The following PIK3C2A variants were observed in gnomAD, a reference collection of about 807,000 sequenced individuals.
The protein encoded by PIK3C2A is phosphatidylinositol-4-phosphate 3-kinase catalytic subunit type 2 alpha, also known as phosphatidylinositol 4-phosphate 3-kinase C2 domain-containing subunit alpha.
PIK3C2A carries 97 observed loss-of-function variants against 204.5 expected under a neutral mutation model. The observed-to-expected ratio is 0.47, with a 90% CI of 0.40 to 0.56. PIK3C2A has a LOEUF of 0.56. Ranked by LOEUF, PIK3C2A falls within the 20% of genes least tolerant of loss-of-function variation. PIK3C2A has a pLI of 0.00. For synonymous variants in PIK3C2A, 653 were observed against 664.4 expected, an observed-to-expected ratio of 0.98 and a Z score of 0.26; for missense variants, 1,735 against 1,969.2, an observed-to-expected ratio of 0.88 and a Z score of 2.25.
intron 1 of PIK3C2A, among the ~76,000 whole-genome samples, chr11:17,178,855 G>A (rs957590126): frequency 2.0e-5 from 3 of 149,828 alleles, no homozygotes; most frequent in Non-Finnish European, 3.0e-5. Flanking sequence ...TCAGCCTCCC[G>A]AGTAGCTGGG....
intron 1 of PIK3C2A, among the ~76,000 whole-genome samples, chr11:17,183,280 T>C (rs1851628802): frequency 6.6e-6 from 1 of 152,246 alleles, no homozygotes; most frequent in Non-Finnish European, 1.5e-5. Flanking sequence ...AAATTCCAGA[T>C]ATCAACAATT....
intron 2 of PIK3C2A, among the ~76,000 whole-genome samples, chr11:17,157,119 C>G (rs1159248790): frequency 6.6e-6 from 1 of 152,086 alleles, no homozygotes; most frequent in Non-Finnish European, 1.5e-5. Context: ...AGCCTAAAAC[C>G]CTGGGGCTCT....
intron 24 of PIK3C2A, among the ~76,000 whole-genome samples, chr11:17,102,457 A>AAAC (rs377633344): frequency 1.5e-4 from 23 of 152,180 alleles, no homozygotes; most frequent in African/African-American, 2.6e-4. Flanking sequence ...CAAAAGAACA[A>AAAC]AACAACAACA....
intron 1 of PIK3C2A, among the ~76,000 whole-genome samples, chr11:17,205,090 T>C (rs1322648449): frequency 6.6e-6 from 1 of 151,404 alleles, no homozygotes; most frequent in Non-Finnish European, 1.5e-5. Flanking sequence ...GGCAGGAGGA[T>C]TGCTTGAACC....
intron 15 of PIK3C2A, among the ~76,000 whole-genome samples, chr11:17,120,884 A>C (rs1849347005): frequency 6.6e-6 from 1 of 152,116 alleles, no homozygotes; most frequent in Non-Finnish European, 1.5e-5. Context: ...ATCTTGGCTC[A>C]CTGCAACCTC....
intron 27 of PIK3C2A, among the ~76,000 whole-genome samples, chr11:17,095,794 A>T (rs1001110575): frequency 2.0e-5 from 3 of 151,108 alleles, no homozygotes; most frequent in African/African-American, 7.3e-5. Context: ...GCATGCCTGT[A>T]GTCCCAGCTA....
At position 17,089,181 on chromosome 11, in the gene PIK3C2A, A is replaced by AT. The variant is rs769472495; in HGVS notation, c.*556dup. 2.6e-5 allele frequency: 4 copies of AT among 152,246 alleles called. No individual in the cohort carries two copies. The highest frequency in any genetic ancestry group is 7.2e-5 in the African/African-American group (3 of 41,470). 9.4% of individuals were successfully genotyped at this position (152,246 alleles called of 1,614,324 possible). ...TCTGAAAAAGGCTTTAAAGACATGA[A>AT]TAAAAAGCAGTATTACGTTTTTCCC... On this transcript the variant is annotated 3_prime_UTR_variant, in exon 33 of 33. Transcript: ENST00000691414.
intron 11 of PIK3C2A, among the ~76,000 whole-genome samples, chr11:17,132,903 C>T (rs932018835): frequency 3.3e-5 from 5 of 152,210 alleles, no homozygotes; most frequent in Admixed American, 3.3e-4. Context: ...CACTAATTGC[C>T]AAGTACACAG....
intron 2 of PIK3C2A, among the ~76,000 whole-genome samples, chr11:17,162,884 T>C (rs1271466400): frequency 1.3e-5 from 2 of 152,222 alleles, no homozygotes; most frequent in Non-Finnish European, 2.9e-5. Flanking sequence ...TTTATAGATA[T>C]TTAACCATGA....
chr11:17,171,460 T>C (rs1851158073), intron 1 of PIK3C2A, among the ~76,000 whole-genome samples: 1 of 151,532 alleles, frequency 6.6e-6, no homozygotes, highest in South Asian at 2.1e-4. Context: ...TTCAAATTAG[T>C]ATAATACAAA....
chr11:17,098,895 A>G (rs1848533022), intron 26 of PIK3C2A, among the ~76,000 whole-genome samples: 1 of 152,152 alleles, frequency 6.6e-6, no homozygotes, highest in South Asian at 2.1e-4. Context: ...ATATTTGTCA[A>G]GAAGATCTGT....
chr11:17,131,793 A>C (rs1031098276), intron 12 of PIK3C2A, 123 bp downstream of exon 12: 1 of 781,336 alleles, frequency 1.3e-6, no homozygotes, highest in Non-Finnish European at 2.2e-6. Flanking sequence ...ATCTTAAGAC[A>C]TAAGTCAGAA....
chr11:17,207,295 G>A (rs1852615069), intron 1 of PIK3C2A, among the ~76,000 whole-genome samples: 1 of 152,174 alleles, frequency 6.6e-6, no homozygotes. Flanking sequence ...CCCAAAGCAA[G>A]TGGATTCGCG....
Position 17,101,482 on chromosome 11 carries a change from C to T in PIK3C2A, c.3852-48G>A, listed in dbSNP as rs371966319. 17 of 1,066,834 alleles carry T rather than the reference C, an allele frequency of 1.6e-5. No individual in the cohort carries two copies. In the African/African-American group the frequency reaches 2.3e-4, roughly 15 times the overall value. 66.1% of individuals were successfully genotyped at this position (1,066,834 alleles called of 1,614,324 possible). On this transcript the variant is annotated intron_variant, in intron 24 of 32. Transcript: ENST00000691414. ...CAAAATATTATTTACAGAAGATACT[C>T]CAATAGTGCTATTACATGATTATTA...
At chr11:17,196,651 G>A (rs1456786480) in intron 1 of PIK3C2A, among the ~76,000 whole-genome samples, 1 of 151,948 alleles carries the variant, frequency 6.6e-6, no homozygotes, top group Non-Finnish European at 1.5e-5. Flanking sequence ...CTCACTGCAA[G>A]CTCCGCCTCC....
At chr11:17,119,645 T>C in intron 16 of PIK3C2A, 141 bp downstream of exon 16, 2 of 557,384 alleles carry the variant, frequency 3.6e-6, no homozygotes, top group East Asian at 6.4e-5. Context: ...ATGCAGAAGA[T>C]ATGTTTGTAT....
intron 1 of PIK3C2A, among the ~76,000 whole-genome samples, chr11:17,178,712 A>G (rs6486355): frequency 1.7e-5 from 1 of 59,934 alleles, no homozygotes; most frequent in Non-Finnish European, 3.1e-5. Flanking sequence ...TTGATTTTTG[A>G]ATTTTTTTTT....
chr11:17,124,097 G>T (rs1214249179), intron 13 of PIK3C2A, among the ~76,000 whole-genome samples: 2 of 151,952 alleles, frequency 1.3e-5, no homozygotes, highest in Non-Finnish European at 2.9e-5. Context: ...TGCGCGGTGT[G>T]ATCATAGCTC....
chr11:17,139,308 A>T (rs1849978211), intron 8 of PIK3C2A, among the ~76,000 whole-genome samples: 1 of 151,772 alleles, frequency 6.6e-6, no homozygotes, highest in Non-Finnish European at 1.5e-5. Context: ...GCTCACTGCA[A>T]CCTTCGCCTC....
Sources: allele counts gnomAD v4.1 joint callset (sites outside exome capture counted in the v4.1 genomes callset), GRCh38; gene constraint gnomAD v4.1.1; transcripts MANE v1.5; gene names NCBI Gene and HGNC (gene_info 2026-07-23, HGNC 2026-07-21).